Variants in DLGAP2 observed in about 807,000 individuals in gnomAD.
The protein encoded by DLGAP2 is DLG associated protein 2, also known as disks large-associated protein 2.
DLGAP2 carries 26 observed loss-of-function variants against 100.3 expected under a neutral mutation model. That is an observed-to-expected ratio of 0.26 (90% CI 0.19 to 0.36). The LOEUF is 0.36. DLGAP2 is among the 10% of genes least tolerant of loss of function. The probability of loss-of-function intolerance (pLI) is 1.00; values close to 1 mark genes in which losing one functional copy is unlikely to be tolerated. For synonymous variants in DLGAP2, 886 were observed against 630.1 expected (o/e 1.41, Z -6.08); for missense variants, 1,858 against 1,453.2 (o/e 1.28, Z -4.53).
rs141211498 is a variant in DLGAP2, at chr8:1,443,794, G to C, written c.107-57572G>C. Among the ~76,000 whole-genome samples, 617 of 152,246 alleles carry C rather than the reference G, an allele frequency of 4.1e-3. 4 individuals are homozygous for C. The highest frequency in any genetic ancestry group is 0.014 in the African/African-American group (573 of 41,548). On this transcript the variant is annotated intron_variant, in intron 3 of 14. Transcript: ENST00000637795. ...ATTATCTCCACCTGGCCCCACCCTT[G>C]ACACGTGGGGATTATTACAATTCAA...
intron 2 of DLGAP2, among the ~76,000 whole-genome samples, chr8:964,959 T>G (rs1466492931): frequency 6.6e-6 from 1 of 151,796 alleles, no homozygotes; most frequent in Non-Finnish European, 1.5e-5. Flanking sequence ...ACACGGCTCC[T>G]GAGCCCAACC....
In DLGAP2 at chr8:1,492,811, G is replaced by A. The variant is rs191402172; in HGVS notation, c.107-8555G>A. ...ACCCATGGGAGGCCAATAAGGAGAAGGGCTGTGTACGACCACGGAGAGCTG... is the reference window on the plus strand; with the variant it reads ...ACCCATGGGAGGCCAATAAGGAGAAAGGCTGTGTACGACCACGGAGAGCTG... On this transcript the variant is annotated intron_variant, in intron 3 of 14. Transcript: ENST00000637795. 2.0e-3 allele frequency among the ~76,000 whole-genome samples: 298 copies of A among 152,300 alleles called. 2 individuals are homozygous for A. The highest frequency in any genetic ancestry group is 3.5e-3 in the Non-Finnish European group (240 of 68,018).
At chr8:1,139,259 G>A (rs1796479460) in intron 2 of DLGAP2, among the ~76,000 whole-genome samples, 1 of 152,232 alleles carries the variant, frequency 6.6e-6, no homozygotes, top group Non-Finnish European at 1.5e-5. Flanking sequence ...TGTGTTCTCT[G>A]CCAACAGCTG....
chr8:1,682,038 T>C (rs1798964057), intron 12 of DLGAP2, among the ~76,000 whole-genome samples: 1 of 152,190 alleles, frequency 6.6e-6, no homozygotes, highest in Admixed American at 6.5e-5. Flanking sequence ...AGTCAAGAAG[T>C]TCCCTTATGG....
At chr8:1,566,124 C>T (rs376816541) in intron 6 of DLGAP2, among the ~76,000 whole-genome samples, 19 of 152,274 alleles carry the variant, frequency 1.2e-4, no homozygotes, top group East Asian at 7.7e-4. Flanking sequence ...GGGCAACTTC[C>T]TTGTCAAATT....
chr8:881,909 C>G (rs1236230624), intron 1 of DLGAP2, among the ~76,000 whole-genome samples: 1 of 152,086 alleles, frequency 6.6e-6, no homozygotes, highest in African/African-American at 2.4e-5. Context: ...TTCTCCCACC[C>G]AATATCCAGT....
chr8:1,207,455 A>G (rs1375894344), intron 2 of DLGAP2, among the ~76,000 whole-genome samples: 1 of 152,172 alleles, frequency 6.6e-6, no homozygotes, highest in Admixed American at 6.5e-5. Flanking sequence ...TATATATACC[A>G]CATTTTCTTT....
intron 1 of DLGAP2, among the ~76,000 whole-genome samples, chr8:882,921 C>G (rs1026808493): frequency 3.3e-5 from 5 of 152,250 alleles, no homozygotes; most frequent in Admixed American, 6.5e-5. Flanking sequence ...CTGCATCGGT[C>G]TGGGCATGGG....
At position 866,855 on chromosome 8, in the gene DLGAP2, G is replaced by A. The variant is rs144085236; in HGVS notation, c.19-41057G>A. ...CTTTCCCGCTCCCTGTGACTTGTTGGGAGAAGCTGCTCAGAGCCGGTGTTC... is the reference window on the plus strand; with the variant it reads ...CTTTCCCGCTCCCTGTGACTTGTTGAGAGAAGCTGCTCAGAGCCGGTGTTC... On this transcript the variant is annotated intron_variant, in intron 1 of 14. Transcript: ENST00000637795. Among the ~76,000 whole-genome samples the A allele has an allele frequency of 1.1e-3, 167 of 152,304 alleles. 1 individual carries two copies. The highest frequency in any genetic ancestry group is 3.8e-3 in the African/African-American group (159 of 41,570).
At chr8:1,458,042 A>G (rs982063946) in intron 3 of DLGAP2, among the ~76,000 whole-genome samples, 1 of 140,932 alleles carries the variant, frequency 7.1e-6, no homozygotes, top group South Asian at 2.3e-4. Context: ...ATATATAATT[A>G]TATATATATA....
At chr8:952,621 T>A (rs2134494) in intron 2 of DLGAP2, among the ~76,000 whole-genome samples, 65,803 of 151,762 alleles carry the variant, frequency 0.43, 14,694 homozygotes, top group Admixed American at 0.55. Flanking sequence ...TGGGTGACAG[T>A]GTGATACATG....
At chr8:977,165 C>G (rs924695) in intron 2 of DLGAP2, among the ~76,000 whole-genome samples, 5 of 152,170 alleles carry the variant, frequency 3.3e-5, no homozygotes, top group Non-Finnish European at 2.9e-5. Flanking sequence ...TCTTGCCTCC[C>G]CTCCTGAAAT....
intron 4 of DLGAP2, among the ~76,000 whole-genome samples, chr8:1,505,374 A>G (rs1160470490): frequency 6.6e-6 from 1 of 152,238 alleles, no homozygotes. Flanking sequence ...GTCCTATTTC[A>G]AAGCATCAAT....
intron 2 of DLGAP2, among the ~76,000 whole-genome samples, chr8:951,201 T>TTAGG: frequency 6.6e-6 from 1 of 152,216 alleles, no homozygotes; most frequent in Non-Finnish European, 1.5e-5. Context: ...ATAGGATATC[T>TTAGG]ATCTTGTTTC....
intron 1 of DLGAP2, among the ~76,000 whole-genome samples, chr8:752,513 G>A (rs887815162): frequency 1.3e-4 from 20 of 152,174 alleles, no homozygotes; most frequent in African/African-American, 2.2e-4. Flanking sequence ...AGCACCAGCC[G>A]CCTGGGCTCG....
chr8:1,210,838 A>G (rs1282629642), intron 2 of DLGAP2, among the ~76,000 whole-genome samples: 1 of 151,712 alleles, frequency 6.6e-6, no homozygotes, highest in Non-Finnish European at 1.5e-5. Context: ...GACACTTTGT[A>G]AGGTCACTCC....
intron 2 of DLGAP2, among the ~76,000 whole-genome samples, chr8:1,194,591 G>A (rs964331236): frequency 4.6e-5 from 7 of 152,154 alleles, no homozygotes; most frequent in African/African-American, 1.2e-4. Context: ...AAGCACCCAC[G>A]CCTGCCTGTT....
chr8:1,679,572 C>T (rs1450819291), intron 12 of DLGAP2, among the ~76,000 whole-genome samples: 1 of 152,248 alleles, frequency 6.6e-6, no homozygotes, highest in Non-Finnish European at 1.5e-5. Context: ...CCAGTGTCAC[C>T]AGGGCAGATC....
At chr8:1,439,231 G>A (rs889658107) in intron 3 of DLGAP2, among the ~76,000 whole-genome samples, 21 of 152,172 alleles carry the variant, frequency 1.4e-4, no homozygotes, top group East Asian at 1.9e-4. Context: ...CATGGTCACC[G>A]GCGCCAGGAC....
Sources: gnomAD v4.1 joint callset for allele counts (sites outside exome capture counted in the v4.1 genomes callset) on GRCh38, gnomAD v4.1.1 for gene constraint, MANE v1.5 for transcripts, NCBI Gene and HGNC (gene_info 2026-07-23, HGNC 2026-07-21) for gene names.